STS: variants seen among roughly 807,000 people sequenced by gnomAD.
STS encodes the protein steryl-sulfatase.
A neutral mutation model predicts 26.8 loss-of-function variants in STS; 7 were observed. The observed-to-expected ratio is 0.26, with a 90% CI of 0.15 to 0.49. The LOEUF is 0.49. Ranked by LOEUF, STS falls within the 20% of genes least tolerant of loss-of-function variation. The pLI is 0.98. For synonymous variants in STS, 199 were observed against 189.4 expected (o/e 1.05, Z -0.42); for missense variants, 434 against 465.6 (o/e 0.93, Z 0.63).
At position 7,350,036 on chromosome X, in the gene STS, C is replaced by G; in HGVS notation, c.1512C>G (p.Pro504=). 1 of 1,211,775 alleles carries G rather than the reference C, an allele frequency of 8.3e-7. No homozygotes were observed. Among genetic ancestry groups the G allele is most frequent in the Non-Finnish European group, 1.1e-6 (1 of 895,448 alleles). ...TACTCTTTGATATTTCCAAAGATCCCAGAGAGAGAAACCCACTAACTCCAG... is the reference window on the plus strand; with the variant it reads ...TACTCTTTGATATTTCCAAAGATCCGAGAGAGAGAAACCCACTAACTCCAG... ...PPLLFDISKD[P]RERNPLTPAS... is the part of the protein sequence containing the mutation. Residue 504 remains proline, a synonymous_variant, in exon 11 of 11, where the codon CCC becomes CCG. Coordinates refer to ENST00000674429, the MANE Select transcript of STS (RefSeq NM_001320752.2).
Position 7,264,134 on chromosome X carries a change from G to A in STS, c.806+4362G>A, listed in dbSNP as rs139506595. Among the ~76,000 whole-genome samples, 766 of 111,292 alleles carry A rather than the reference G, an allele frequency of 6.9e-3. 2 individuals carry two copies. The highest frequency in any genetic ancestry group is 0.011 in the Non-Finnish European group (606 of 53,042). On this transcript the variant is annotated intron_variant, in intron 6 of 10. Coordinates refer to ENST00000674429, the MANE Select transcript of STS (RefSeq NM_001320752.2). The stretch of plus-strand genomic sequence containing the variant: ...TCTTGGGCAATATGCCTGTTGTCTG[G>A]GTGCCTGTCCTTGGTAAACATTGGG...
intron 6 of STS, among the ~76,000 whole-genome samples, chrX:7,270,109 A>G (rs1333210848): frequency 2.7e-5 from 3 of 112,167 alleles, no homozygotes; most frequent in Non-Finnish European, 5.6e-5. Context: ...TGTATTTTTA[A>G]CAAATGGAGC....
intron 2 of STS, among the ~76,000 whole-genome samples, chrX:7,244,342 T>C (rs143658937): frequency 2.9e-3 from 323 of 112,141 alleles, no homozygotes; most frequent in Non-Finnish European, 5.3e-3. Flanking sequence ...AGAGCTTCCA[T>C]AATTTGCGGA....
At position 7,259,666 on chromosome X, in the gene STS, C is replaced by G. The variant is rs139636011; in HGVS notation, c.700C>G (p.Pro234Ala). 2.5e-6 allele frequency: 3 copies of G among 1,209,072 alleles called. No homozygotes were observed. Among genetic ancestry groups the G allele is most frequent in the Non-Finnish European group, 3.4e-6 (3 of 895,016 alleles). Reference sequence around the variant, plus strand: ...CTTGGGCTTCCTTCATTACTTCCGGCCCCTGAACTGCTTCATGATGAGGAA... The same window carrying G: ...CTTGGGCTTCCTTCATTACTTCCGGGCCCTGAACTGCTTCATGATGAGGAA... ...LFLGFLHYFR[P>A]LNCFMMRNYE... The change falls in exon 6 of 11, where the codon CCC becomes GCC. Residue 234 changes from proline to alanine, a missense_variant. Physicochemically the swap from Pro to Ala is conservative, Grantham distance 27. Around this residue, in one of 2 missense-constraint regions of STS, gnomAD observed 229 missense variants for 288.3 expected, o/e 0.79. Coordinates refer to ENST00000674429, the MANE Select transcript of STS (RefSeq NM_001320752.2).
chrX:7,257,358 G>A lies in STS; in HGVS notation c.254G>A (p.Arg85Gln), dbSNP rs1334230763. ...TTCATGACTGGCCGGTACCCTGTCC[G>A]ATCAGGTAACCTCCTATCTGCATCG... ...AAFMTGRYPVRSGMASWSRTG... is the reference protein window; with the variant it reads ...AAFMTGRYPVQSGMASWSRTG... The change falls in exon 4 of 11, where the codon CGA becomes CAA. Residue 85 changes from arginine to glutamine, a missense_variant. Arg to Gln is a conservative substitution (Grantham distance 43, BLOSUM62 1). Coordinates refer to ENST00000674429, the MANE Select transcript of STS (RefSeq NM_001320752.2). 6.6e-6 allele frequency: 8 copies of A among 1,211,602 alleles called. No individual in the cohort carries two copies. The South Asian group carries it at 7.0e-5, about 11-fold the overall frequency.
At chrX:7,307,968 A>G (rs140414338) in intron 8 of STS, among the ~76,000 whole-genome samples, 4,778 of 112,227 alleles carry the variant, frequency 0.043, 231 homozygotes, top group African/African-American at 0.15. Context: ...ATTTTACTCT[A>G]TGATTACCTT....
intron 1 of STS, among the ~76,000 whole-genome samples, chrX:7,148,482 G>C: frequency 8.8e-6 from 1 of 113,122 alleles, no homozygotes; most frequent in East Asian, 2.8e-4. Flanking sequence ...GTTTGGATCA[G>C]GGGTGTGAAT....
chrX:7,329,636 A>C (rs1927652943), intron 9 of STS, among the ~76,000 whole-genome samples: 1 of 112,521 alleles, frequency 8.9e-6, no homozygotes, highest in African/African-American at 3.2e-5. Context: ...GAAGAAACTC[A>C]TTCAGACGGT....
chrX:7,186,152 A>G (rs1933768910), intron 1 of STS, among the ~76,000 whole-genome samples: 1 of 112,889 alleles, frequency 8.9e-6, no homozygotes, highest in African/African-American at 3.2e-5. Context: ...AGCCAGGGAC[A>G]CACAGGCTCA....
chrX:7,325,020 T>C (rs1927339124), intron 8 of STS, among the ~76,000 whole-genome samples: 1 of 111,646 alleles, frequency 9.0e-6, no homozygotes, highest in Non-Finnish European at 1.9e-5. Context: ...GAAATGGAAC[T>C]TGAATTCCCT....
At chrX:7,151,035 G>A (rs1933002395) in intron 1 of STS, among the ~76,000 whole-genome samples, 1 of 112,273 alleles carries the variant, frequency 8.9e-6, no homozygotes, top group African/African-American at 3.2e-5. Flanking sequence ...CAGTACGATG[G>A]CATCAAAAGC....
intron 7 of STS, among the ~76,000 whole-genome samples, chrX:7,282,241 C>T (rs1161666594): frequency 2.7e-5 from 3 of 111,955 alleles, no homozygotes; most frequent in African/African-American, 9.7e-5. Context: ...TGCTCTGTCA[C>T]CCAGGCTGGA....
In STS at chrX:7,191,154, T is replaced by C. The variant is rs143341389; in HGVS notation, c.-5+146T>C. ...ACATTCTGTTATTGCAGGGATGACATACACATGGTGCTATTGCAGCTATCT... is the reference window on the plus strand; with the variant it reads ...ACATTCTGTTATTGCAGGGATGACACACACATGGTGCTATTGCAGCTATCT... On this transcript the variant is annotated intron_variant, in intron 2 of 10. Transcript: ENST00000674429. The C allele has an allele frequency of 4.0e-5, 8 of 199,690 alleles. No individual in the cohort carries two copies. In the East Asian group the frequency reaches 2.0e-3, roughly 50 times the overall value. The allele number at this position is 199,690 out of a possible 1,213,427, so 16.5% of individuals were successfully genotyped here.
chrX:7,332,180 A>T (rs1927784575), intron 9 of STS, among the ~76,000 whole-genome samples: 1 of 110,087 alleles, frequency 9.1e-6, no homozygotes, highest in African/African-American at 3.3e-5. Flanking sequence ...AAAAAATGAA[A>T]AATAGCTGGG....
chrX:7,178,168 G>C (rs1355302184), intron 1 of STS, among the ~76,000 whole-genome samples: 2 of 112,199 alleles, frequency 1.8e-5, no homozygotes, highest in Non-Finnish European at 3.8e-5. Context: ...AAGGTTTTTT[G>C]TACAGTAAAT....
intron 6 of STS, among the ~76,000 whole-genome samples, chrX:7,271,709 G>A (rs1398766173): frequency 2.8e-5 from 3 of 107,279 alleles, no homozygotes; most frequent in Non-Finnish European, 5.8e-5. Context: ...GGTGAGACAA[G>A]CCACTCAGGA....
chrX:7,314,888 T>C (rs1482642166), intron 8 of STS, among the ~76,000 whole-genome samples: 1 of 112,257 alleles, frequency 8.9e-6, no homozygotes, highest in Non-Finnish European at 1.9e-5. Flanking sequence ...GGAGTGGGCA[T>C]AGCTCATGCT....
chrX:7,152,723 T>C (rs1933045341), intron 1 of STS, among the ~76,000 whole-genome samples: 2 of 112,926 alleles, frequency 1.8e-5, no homozygotes, highest in Admixed American at 1.9e-4. Flanking sequence ...CTCTCAACCA[T>C]TTTATTTGAT....
rs367768865 is a variant in STS, at chrX:7,259,329, T to A, written c.383-20T>A. ...AGGGTGTTTATTGGGACTGAAGTGA[T>A]CCCCCATTTGTCTTCTCAGGGAAAT... On this transcript the variant is annotated intron_variant, in intron 5 of 10. Coordinates refer to ENST00000674429, the MANE Select transcript of STS (RefSeq NM_001320752.2). The A allele has an allele frequency of 3.3e-6, 4 of 1,203,418 alleles. No homozygotes were observed.
Sources: allele counts gnomAD v4.1 joint callset (sites outside exome capture counted in the v4.1 genomes callset), GRCh38; gene constraint gnomAD v4.1.1; regional missense constraint gnomAD v4.1.1; transcripts MANE v1.5; gene names NCBI Gene and HGNC (gene_info 2026-07-23, HGNC 2026-07-21).